WDR88: variants seen among roughly 807,000 people sequenced by gnomAD.
WDR88 encodes the protein WD repeat domain 88.
Under a neutral mutation model 46.8 loss-of-function variants are expected in WDR88, and 40 were observed. That is an observed-to-expected ratio of 0.86 (90% CI 0.66 to 1.11). The LOEUF (loss-of-function observed/expected upper bound fraction) is 1.11. WDR88 is among the 50% of genes most tolerant of loss of function. The probability of loss-of-function intolerance (pLI) is 0.00; values close to 1 mark genes in which losing one functional copy is unlikely to be tolerated. For missense variants in WDR88, 562 were observed against 602.4 expected, an observed-to-expected ratio of 0.93 and a Z score of 0.70; for synonymous variants, 235 against 240.7, an observed-to-expected ratio of 0.98 and a Z score of 0.22.
In WDR88 at chr19:33,137,667, C is replaced by CT; in HGVS notation, c.277-4dup. 6.2e-7 allele frequency: 1 copy of CT among 1,612,234 alleles called. No individual in the cohort carries two copies. Among genetic ancestry groups the CT allele is most frequent in the South Asian group, 1.1e-5 (1 of 90,972 alleles). ...ACATGTTTAGCTCATCTGGTCTCTC[C>CT]TTTTTTCAGATCCCATTTAAAATTC... On this transcript the variant is annotated splice_polypyrimidine_tract_variant and intron_variant, in intron 1 of 10. Coordinates refer to ENST00000355868, the MANE Select transcript of WDR88 (RefSeq NM_173479.4).
At chr19:33,167,857 C>A (rs539342552) in intron 9 of WDR88, among the ~76,000 whole-genome samples, 1 of 151,994 alleles carries the variant, frequency 6.6e-6, no homozygotes, top group Admixed American at 6.6e-5. Context: ...ACAATCTCGA[C>A]TCACTGCAAC....
intron 2 of WDR88, among the ~76,000 whole-genome samples, chr19:33,139,890 G>C (rs996510246): frequency 2.6e-5 from 4 of 152,092 alleles, no homozygotes; most frequent in Non-Finnish European, 4.4e-5. Flanking sequence ...GTTTGTGGTG[G>C]ACCCCACGTT....
intron 1 of WDR88, among the ~76,000 whole-genome samples, chr19:33,134,798 G>A (rs1010289770): frequency 6.5e-4 from 99 of 151,146 alleles, no homozygotes; most frequent in South Asian, 1.3e-3. Context: ...TAGAGGCGGG[G>A]TATCATCTCA....
At chr19:33,166,322 A>G (rs1422995975) in intron 9 of WDR88, among the ~76,000 whole-genome samples, 1 of 135,214 alleles carries the variant, frequency 7.4e-6, no homozygotes, top group East Asian at 2.3e-4. Context: ...TGTGGTGGCC[A>G]CTCACGTCTG....
At position 33,175,465 on chromosome 19, in the gene WDR88, G is replaced by A. The variant is rs556151988; in HGVS notation, c.1312G>A (p.Val438Met). 5 of 1,614,120 alleles carry A rather than the reference G, an allele frequency of 3.1e-6. No individual in the cohort carries two copies. Among genetic ancestry groups the A allele is most frequent in the East Asian group, 4.5e-5 (2 of 44,878 alleles). Residue 438 changes from valine to methionine, a missense_variant, in exon 11 of 11, where the codon GTG (valine) becomes ATG (methionine). Val to Met is a conservative substitution (Grantham distance 21). Coordinates refer to ENST00000355868, the MANE Select transcript of WDR88 (RefSeq NM_173479.4). ...CTCTTCTGAAATGTTCACCCAATGCGTGTTCTGCCGGATAGATACAAGGGG... is the reference window on the plus strand; with the variant it reads ...CTCTTCTGAAATGTTCACCCAATGCATGTTCTGCCGGATAGATACAAGGGG... ...DTSSEMFTQC[V>M]FCRIDTRGLP...
intron 2 of WDR88, among the ~76,000 whole-genome samples, chr19:33,139,996 C>T (rs1291704955): frequency 6.6e-6 from 1 of 152,146 alleles, no homozygotes; most frequent in Non-Finnish European, 1.5e-5. Context: ...TGTGAAGGGG[C>T]TGCCCCGGGG....
At chr19:33,170,721 G>A (rs1473826441) in intron 9 of WDR88, among the ~76,000 whole-genome samples, 1 of 152,066 alleles carries the variant, frequency 6.6e-6, no homozygotes, top group African/African-American at 2.4e-5. Context: ...TATTAGTGGG[G>A]TATGGTGGCG....
At chr19:33,148,416 C>G (rs1973563450) in intron 4 of WDR88, among the ~76,000 whole-genome samples, 1 of 151,974 alleles carries the variant, frequency 6.6e-6, no homozygotes, top group African/African-American at 2.4e-5. Context: ...CAAGATAAGC[C>G]AAGTTTTTAT....
At chr19:33,144,745 T>C in intron 2 of WDR88, 99 bp from the exon 3 acceptor site, 2 of 1,087,788 alleles carry the variant, frequency 1.8e-6, no homozygotes. Context: ...CAGATTTTGC[T>C]ACCAGAGATA....
chr19:33,175,316 G>C, intron 10 of WDR88, 80 bp from the exon 11 acceptor site: 1 of 1,437,850 alleles, frequency 7.0e-7, no homozygotes, highest in Non-Finnish European at 9.6e-7. Context: ...GCTCAAGGTA[G>C]CTGGGAGAAT....
At chr19:33,134,288 T>C (rs1354101077) in intron 1 of WDR88, among the ~76,000 whole-genome samples, 4 of 152,054 alleles carry the variant, frequency 2.6e-5, no homozygotes, top group Non-Finnish European at 5.9e-5. Flanking sequence ...TTTTCCATGA[T>C]GGAGTTCTAG....
rs115375077 is a variant in WDR88, at chr19:33,171,069, T to C, written c.1150-1279T>C. ...GGTGCGATCTCGGCTTATTGCAAAC[T>C]CTGCCTCCCAAGTTTAAGTGATTCT... On this transcript the variant is annotated intron_variant, in intron 9 of 10. Transcript: ENST00000355868. Among the ~76,000 whole-genome samples the C allele has an allele frequency of 9.2e-3, 1,396 of 152,214 alleles. 28 individuals are homozygous for C. Among genetic ancestry groups the C allele is most frequent in the African/African-American group, 0.031 (1,287 of 41,528 alleles).
intron 7 of WDR88, among the ~76,000 whole-genome samples, chr19:33,159,775 G>A (rs1289263952): frequency 2.0e-5 from 3 of 151,958 alleles, no homozygotes; most frequent in East Asian, 1.9e-4. Flanking sequence ...GGATGGTTTC[G>A]GGATGACCCA....
chr19:33,133,007 CTT>C (rs1973162492), intron 1 of WDR88, among the ~76,000 whole-genome samples: 1 of 151,392 alleles, frequency 6.6e-6, no homozygotes, highest in South Asian at 2.1e-4. Context: ...AAGAAATAAA[CTT>C]AGCCCAGTGT....
rs1340491176 is a variant in WDR88, at chr19:33,138,907, C to T, written c.387+1120C>T. Among the ~76,000 whole-genome samples, 9 of 152,098 alleles carry T rather than the reference C, an allele frequency of 5.9e-5. No individual in the cohort carries two copies. The South Asian group carries it at 1.7e-3, about 28-fold the overall frequency. ...GTGTTGGCCAGGATGGTATCAAACT[C>T]CTGGCCTCAAGTGATCTACCTGCTT... On this transcript the variant is annotated intron_variant, in intron 2 of 10. Coordinates refer to ENST00000355868, the MANE Select transcript of WDR88 (RefSeq NM_173479.4).
chr19:33,151,022 G>A (rs906081153), intron 5 of WDR88, among the ~76,000 whole-genome samples, 159 bp from the exon 6 acceptor site: 4 of 152,226 alleles, frequency 2.6e-5, no homozygotes, highest in Admixed American at 2.6e-4. Flanking sequence ...CAAAGCCTGG[G>A]ACATAGTAGT....
intron 5 of WDR88, 46 bp from the exon 6 acceptor site, chr19:33,151,135 C>T: frequency 6.3e-7 from 1 of 1,588,448 alleles, no homozygotes; most frequent in Non-Finnish European, 8.6e-7. Flanking sequence ...TCCAGCCCAG[C>T]AGGTGGAAGG....
chr19:33,175,303 C>G (rs1974104203), intron 10 of WDR88, 93 bp from the exon 11 acceptor site: 1 of 1,344,198 alleles, frequency 7.4e-7, no homozygotes, highest in South Asian at 1.4e-5. Flanking sequence ...TTGCCTTGCC[C>G]CAGCTCAAGG....
rs779863835 is a variant in WDR88 at position 33,148,914 on chromosome 19, AG to A, written c.679+7del. ...ACCACCGTTTCCGTCATCAAAGGTG[AG>A]GGTGTGCGGGCTCCCTGTATCTTCA... On this transcript the variant is annotated splice_donor_5th_base_variant and intron_variant, in intron 5 of 10. Coordinates refer to ENST00000355868, the MANE Select transcript of WDR88 (RefSeq NM_173479.4). 1.5e-5 allele frequency: 25 copies of A among 1,613,840 alleles called. No individual in the cohort carries two copies. The highest frequency in any genetic ancestry group is 9.3e-5 in the African/African-American group (7 of 74,906).
Sources: allele counts gnomAD v4.1 joint callset (sites outside exome capture counted in the v4.1 genomes callset), GRCh38; gene constraint gnomAD v4.1.1; transcripts MANE v1.5; gene names NCBI Gene and HGNC (gene_info 2026-07-23, HGNC 2026-07-21).